Variants in INVS observed in about 807,000 individuals in gnomAD.
The protein encoded by INVS is inversion of embryo turning homolog.
INVS carries 86 observed loss-of-function variants against 108.8 expected under a neutral mutation model. That is an observed-to-expected ratio of 0.79 (90% CI 0.66 to 0.95). INVS has a LOEUF of 0.95. Among genes scored for constraint, INVS ranks in the 40% least tolerant of loss-of-function variants. INVS has a pLI of 0.00. For missense variants in INVS, 1,169 were observed against 1,297.4 expected, an observed-to-expected ratio of 0.90 and a Z score of 1.52; for synonymous variants, 455 against 473.5, an observed-to-expected ratio of 0.96 and a Z score of 0.51.
At chr9:100,146,088 C>A (rs958726226) in intron 3 of INVS, among the ~76,000 whole-genome samples, 6 of 99,682 alleles carry the variant, frequency 6.0e-5, no homozygotes, top group African/African-American at 5.6e-4. Flanking sequence ...AAGGGAGGTC[C>A]CCCCGATCCG....
chr9:100,187,891 T>C (rs560619267), intron 3 of INVS, among the ~76,000 whole-genome samples: 1 of 152,330 alleles, frequency 6.6e-6, no homozygotes, highest in Admixed American at 6.5e-5. Flanking sequence ...TGGTTAAGTA[T>C]ATTCCCAGTT....
chr9:100,281,108 A>C (rs1833262911), intron 12 of INVS, among the ~76,000 whole-genome samples: 1 of 152,184 alleles, frequency 6.6e-6, no homozygotes, highest in Admixed American at 6.6e-5. Context: ...TCTTTGTATG[A>C]CCCAATTAAT....
Position 100,117,514 on chromosome 9 carries a change from A to G in INVS, c.107-8869A>G, listed in dbSNP as rs1295587583. 38 of 888,516 alleles carry G rather than the reference A, an allele frequency of 4.3e-5. No individual in the cohort carries two copies. The South Asian group carries it at 4.8e-4, about 11-fold the overall frequency. The allele number at this position is 888,516 out of a possible 1,614,324, so 55.0% of individuals were successfully genotyped here. A position where few individuals can be genotyped will look rare whatever the true frequency, so the allele number is the denominator to read the frequency against. On this transcript the variant is annotated intron_variant, in intron 2 of 16. Coordinates refer to ENST00000262457, the MANE Select transcript of INVS (RefSeq NM_014425.5). ...CACGGCCTCAGCCCGGGCCCCGTCC[A>G]CGGCCGCAACCCCGGCCCCGGATGC...
At chr9:100,209,345 G>A (rs1830765404) in intron 3 of INVS, among the ~76,000 whole-genome samples, 1 of 152,154 alleles carries the variant, frequency 6.6e-6, no homozygotes, top group South Asian at 2.1e-4. Context: ...AGCTGGGTGG[G>A]CTTTAGATCA....
At chr9:100,119,119 A>G (rs770263066) in intron 2 of INVS, among the ~76,000 whole-genome samples, 1 of 152,156 alleles carries the variant, frequency 6.6e-6, no homozygotes. Context: ...TCTCTTCATT[A>G]CTGTGGGTTT....
At chr9:100,100,862 A>ATATATAATATATG (rs1491503165) in intron 1 of INVS, among the ~76,000 whole-genome samples, 2,473 of 8,178 alleles carry the variant, frequency 0.3, 880 homozygotes, top group East Asian at 0.8. Flanking sequence ...TGTATATATA[A>ATATATAATATATG]TATATATATT....
chr9:100,295,769 G>A (rs1833771215), intron 14 of INVS, among the ~76,000 whole-genome samples: 1 of 152,176 alleles, frequency 6.6e-6, no homozygotes, highest in African/African-American at 2.4e-5. Flanking sequence ...GGTGCTGCTG[G>A]GCCCACTGAG....
intron 3 of INVS, among the ~76,000 whole-genome samples, chr9:100,149,161 C>T (rs1828726342): frequency 6.6e-6 from 1 of 152,072 alleles, no homozygotes; most frequent in African/African-American, 2.4e-5. Context: ...ACTCATTAGT[C>T]CATTTTAAAA....
chr9:100,267,165 T>C (rs1832822739), intron 11 of INVS, among the ~76,000 whole-genome samples: 1 of 152,126 alleles, frequency 6.6e-6, no homozygotes, highest in Non-Finnish European at 1.5e-5. Context: ...ATTTTTTAAC[T>C]CAATTTCCAT....
At chr9:100,201,188 C>G (rs1830520716) in intron 3 of INVS, among the ~76,000 whole-genome samples, 3 of 152,236 alleles carry the variant, frequency 2.0e-5, no homozygotes, top group Admixed American at 6.5e-5. Context: ...GGTATGGAGG[C>G]AGGTCCACGT....
chr9:100,225,586 T>C (rs1299638556), intron 3 of INVS, among the ~76,000 whole-genome samples: 1 of 152,192 alleles, frequency 6.6e-6, no homozygotes, highest in African/African-American at 2.4e-5. Flanking sequence ...CTGAAACTAA[T>C]ACACCTACAC....
At chr9:100,186,686 A>G (rs1476854951) in intron 3 of INVS, among the ~76,000 whole-genome samples, 1 of 151,648 alleles carries the variant, frequency 6.6e-6, no homozygotes, top group Admixed American at 6.6e-5. Context: ...TATTCATGTC[A>G]TTTGCTTACT....
chr9:100,116,778 C>A, intron 2 of INVS: 1 of 1,398,662 alleles, frequency 7.1e-7, no homozygotes, highest in Non-Finnish European at 9.4e-7. Flanking sequence ...ACAGCTGGAG[C>A]CTGAGTCCGC....
At chr9:100,238,926 T>C (rs889389337) in intron 5 of INVS, among the ~76,000 whole-genome samples, 3 of 152,156 alleles carry the variant, frequency 2.0e-5, no homozygotes, top group Non-Finnish European at 4.4e-5. Context: ...GAACTACAAG[T>C]TAAAATAGCA....
In INVS at chr9:100,302,051, A is replaced by C. The variant is rs1222824485; in HGVS notation, c.*1377A>C. 3.8e-6 allele frequency: 2 copies of C among 527,438 alleles called. No homozygotes were observed. The highest frequency in any genetic ancestry group is 5.8e-5 in the East Asian group (2 of 34,280). The allele number at this position is 527,438 out of a possible 1,614,324, so 32.7% of individuals were successfully genotyped here. Reference sequence around the variant, plus strand: ...ATAGGAACGCCCAAACATTATTTTCATATATCAGTGCAAAGAAAGAAGGTT... The same window carrying C: ...ATAGGAACGCCCAAACATTATTTTCCTATATCAGTGCAAAGAAAGAAGGTT... On this transcript the variant is annotated 3_prime_UTR_variant, in exon 17 of 17. Coordinates refer to ENST00000262457, the MANE Select transcript of INVS (RefSeq NM_014425.5).
chr9:100,205,279 A>G (rs1830641513), intron 3 of INVS, among the ~76,000 whole-genome samples: 1 of 152,140 alleles, frequency 6.6e-6, no homozygotes. Flanking sequence ...ATCCTGCTGC[A>G]TCTGTTGGTA....
intron 3 of INVS, chr9:100,175,349 G>A (rs188139954): frequency 1.8e-4 from 132 of 748,818 alleles, no homozygotes; most frequent in South Asian, 1.6e-3. Context: ...ATTCTTTCAC[G>A]AGTCCCAAAG....
intron 3 of INVS, among the ~76,000 whole-genome samples, chr9:100,152,429 A>G (rs541907644): frequency 6.6e-6 from 1 of 152,344 alleles, no homozygotes; most frequent in African/African-American, 2.4e-5. Flanking sequence ...GAAAACCTTA[A>G]TCATTGAAAC....
intron 5 of INVS, among the ~76,000 whole-genome samples, chr9:100,236,465 G>A (rs1264979898): frequency 1.3e-5 from 2 of 152,164 alleles, no homozygotes; most frequent in Admixed American, 1.3e-4. Flanking sequence ...CAGCATTTTT[G>A]CACAGGTTTT....
Sources: gnomAD v4.1 joint callset for allele counts (sites outside exome capture counted in the v4.1 genomes callset) on GRCh38, gnomAD v4.1.1 for gene constraint, MANE v1.5 for transcripts, NCBI Gene and HGNC (gene_info 2026-07-23, HGNC 2026-07-21) for gene names.